Variants in SNTG1 observed in about 807,000 individuals in gnomAD.
SNTG1 encodes the protein syntrophin gamma 1.
SNTG1 carries 39 observed loss-of-function variants against 74.7 expected under a neutral mutation model. That is an observed-to-expected ratio of 0.52 (90% CI 0.40 to 0.68). SNTG1 has a LOEUF of 0.68. Among genes scored for constraint, SNTG1 ranks in the 30% least tolerant of loss-of-function variants. SNTG1 has a pLI of 0.00. For missense variants in SNTG1, 685 were observed against 609.5 expected (o/e 1.12, Z -1.30); for synonymous variants, 254 against 217.1 (o/e 1.17, Z -1.49).
chr8:50,505,075 G>A (rs1350561533), intron 9 of SNTG1, among the ~76,000 whole-genome samples: 1 of 152,050 alleles, frequency 6.6e-6, no homozygotes, highest in Non-Finnish European at 1.5e-5. Context: ...TATGCACTTG[G>A]AATAATCCAG....
At chr8:50,674,205 G>A (rs2095299073) in intron 15 of SNTG1, among the ~76,000 whole-genome samples, 1 of 152,052 alleles carries the variant, frequency 6.6e-6, no homozygotes, top group African/African-American at 2.4e-5. Flanking sequence ...GAGTTAAGGA[G>A]GAGTCCCTCC....
rs1805608930 is a variant in SNTG1, at chr8:49,911,832, A to C, written c.-502A>C. The stretch of plus-strand genomic sequence containing the variant: ...GGGCTACTTGCTCCTCGCAGCTAAA[A>C]GGCGGTGCCTCCTATTACCCCCTCG... On this transcript the variant is annotated 5_prime_UTR_variant, in exon 1 of 19. Coordinates refer to ENST00000642720, the MANE Select transcript of SNTG1 (RefSeq NM_018967.5). The C allele has an allele frequency of 6.6e-6, 1 of 152,316 alleles. No individual in the cohort carries two copies. Among genetic ancestry groups the C allele is most frequent in the South Asian group, 2.1e-4 (1 of 4,832 alleles). The allele number at this position is 152,316 out of a possible 1,614,324, so 9.4% of individuals were successfully genotyped here. A position where few individuals can be genotyped will look rare whatever the true frequency, so the allele number is the denominator to read the frequency against.
intron 8 of SNTG1, among the ~76,000 whole-genome samples, chr8:50,497,189 T>C (rs983800311): frequency 6.6e-6 from 1 of 151,974 alleles, no homozygotes; most frequent in African/African-American, 2.4e-5. Context: ...TGAAAAAAAC[T>C]TTAAGATTGA....
At chr8:50,230,193 C>A (rs1255714957) in intron 2 of SNTG1, among the ~76,000 whole-genome samples, 2 of 151,094 alleles carry the variant, frequency 1.3e-5, no homozygotes, top group South Asian at 2.1e-4. Flanking sequence ...TAGCCTAAAG[C>A]AACAGAAGAA....
chr8:50,530,317 A>G (rs2094256681), intron 10 of SNTG1, 58 bp downstream of exon 10: 2 of 1,477,534 alleles, frequency 1.4e-6, no homozygotes, highest in South Asian at 1.2e-5. Context: ...GCTTATAAAA[A>G]CTGCTAGTGA....
rs540699427 is a variant in SNTG1 at position 50,751,797 on chromosome 8, G to A, written c.1285-204G>A. Among the ~76,000 whole-genome samples, 20 of 151,982 alleles carry A rather than the reference G, an allele frequency of 1.3e-4. No homozygotes were observed. The South Asian group carries it at 3.9e-3, about 30-fold the overall frequency. On this transcript the variant is annotated intron_variant, in intron 17 of 18. Transcript: ENST00000642720. ...GCATTTTTGCAATAATTATTTCATG[G>A]ATAAAATATTTCTGAAAATTAAATG...
chr8:50,667,964 G>A (rs73569444), intron 15 of SNTG1, among the ~76,000 whole-genome samples: 8,999 of 151,696 alleles, frequency 0.059, 871 homozygotes, highest in African/African-American at 0.2. Context: ...TTTAAAAAAC[G>A]TTACAGGCCG....
At chr8:50,242,415 C>G (rs1586817558) in intron 2 of SNTG1, among the ~76,000 whole-genome samples, 1 of 151,130 alleles carries the variant, frequency 6.6e-6, no homozygotes, top group African/African-American at 2.4e-5. Context: ...GTAATCCCAG[C>G]TACTTAGGAG....
chr8:50,000,457 T>C (rs1174447861), intron 1 of SNTG1, among the ~76,000 whole-genome samples: 1 of 152,178 alleles, frequency 6.6e-6, no homozygotes, highest in Admixed American at 6.6e-5. Flanking sequence ...TATGTTGTGC[T>C]TTAGTTATGT....
chr8:50,552,636 G>A (rs2094433687), intron 11 of SNTG1, among the ~76,000 whole-genome samples: 1 of 152,168 alleles, frequency 6.6e-6, no homozygotes, highest in Non-Finnish European at 1.5e-5. Context: ...TTTATTGCCT[G>A]TTTTTACGAT....
At chr8:49,997,721 A>T (rs907345717) in intron 1 of SNTG1, among the ~76,000 whole-genome samples, 2 of 151,882 alleles carry the variant, frequency 1.3e-5, no homozygotes, top group Non-Finnish European at 2.9e-5. Context: ...CTCACAAGTT[A>T]CTCCTTCTTA....
chr8:50,654,594 A>G (rs2095169167), intron 13 of SNTG1, among the ~76,000 whole-genome samples: 1 of 152,084 alleles, frequency 6.6e-6, no homozygotes. Flanking sequence ...TATTCTCCTG[A>G]TGTACTTCAT....
intron 15 of SNTG1, among the ~76,000 whole-genome samples, chr8:50,674,274 G>A (rs1283508387): frequency 6.6e-6 from 1 of 152,030 alleles, no homozygotes; most frequent in African/African-American, 2.4e-5. Flanking sequence ...TTGTACCTCT[G>A]GTAGAATTCA....
Position 50,389,368 on chromosome 8 carries a change from G to A in SNTG1, c.-27-4844G>A, listed in dbSNP as rs145965269. The stretch of plus-strand genomic sequence containing the variant: ...TTTCTCACTGTCAGAGACTTATCCA[G>A]TGGAAATACTTAATCGATTGTATGA... On this transcript the variant is annotated intron_variant, in intron 2 of 18. Coordinates refer to ENST00000642720, the MANE Select transcript of SNTG1 (RefSeq NM_018967.5). Among the ~76,000 whole-genome samples, 28 of 152,220 alleles carry A rather than the reference G, an allele frequency of 1.8e-4. No homozygotes were observed. The East Asian group carries it at 4.4e-3, about 24-fold the overall frequency.
At chr8:50,010,438 C>T (rs929066916) in intron 1 of SNTG1, among the ~76,000 whole-genome samples, 9 of 152,026 alleles carry the variant, frequency 5.9e-5, no homozygotes, top group African/African-American at 2.2e-4. Flanking sequence ...CTTGTCATAG[C>T]CATTTTTCAT....
chr8:50,008,120 T>A (rs1040777389), intron 1 of SNTG1, among the ~76,000 whole-genome samples: 1 of 151,360 alleles, frequency 6.6e-6, no homozygotes, highest in Non-Finnish European at 1.5e-5. Context: ...CCAAATCATA[T>A]CAGAGAATTT....
At chr8:50,347,189 A>T (rs2091504759) in intron 2 of SNTG1, among the ~76,000 whole-genome samples, 1 of 152,224 alleles carries the variant, frequency 6.6e-6, no homozygotes, top group African/African-American at 2.4e-5. Flanking sequence ...GTTAGGAGCT[A>T]ATGCAGCTTG....
chr8:50,259,514 AAGAAAGAAAGAAAGAAAG>A (rs1563810266), intron 2 of SNTG1, among the ~76,000 whole-genome samples: 4 of 81,106 alleles, frequency 4.9e-5, no homozygotes, highest in Admixed American at 1.2e-4. Context: ...AAAAAAAAGA[AAGAAAGAAAGAAAGAAAG>A]AAAGAAAGAA....
intron 1 of SNTG1, among the ~76,000 whole-genome samples, chr8:49,927,654 T>C (rs2129351494): frequency 6.6e-6 from 1 of 152,176 alleles, no homozygotes; most frequent in Admixed American, 6.5e-5. Context: ...AAAATCATAA[T>C]AAATTATTGA....
Sources: gnomAD v4.1 joint callset for allele counts (sites outside exome capture counted in the v4.1 genomes callset) on GRCh38, gnomAD v4.1.1 for gene constraint, MANE v1.5 for transcripts, NCBI Gene and HGNC (gene_info 2026-07-23, HGNC 2026-07-21) for gene names.